Variants in OPCML observed in about 807,000 individuals in gnomAD.
OPCML encodes opioid binding protein/cell adhesion molecule like, also known as opioid-binding protein/cell adhesion molecule.
OPCML carries 13 observed loss-of-function variants against 37.8 expected under a neutral mutation model. The ratio of observed to expected loss-of-function variants is 0.34; its 90% CI spans 0.22 to 0.55. OPCML has a LOEUF of 0.55. Among genes scored for constraint, OPCML ranks in the 20% least tolerant of loss-of-function variants. The probability of loss-of-function intolerance (pLI) is 0.91; values close to 1 mark genes in which losing one functional copy is unlikely to be tolerated. For synonymous variants in OPCML, 176 were observed against 168.8 expected (o/e 1.04, Z -0.33); for missense variants, 341 against 435.6 (o/e 0.78, Z 1.93).
intron 1 of OPCML, among the ~76,000 whole-genome samples, chr11:133,230,915 A>G (rs1393725582): frequency 2.0e-5 from 3 of 152,194 alleles, no homozygotes; most frequent in Non-Finnish European, 4.4e-5. Flanking sequence ...AGGGAAGGCA[A>G]ATACTTCTGG....
intron 3 of OPCML, among the ~76,000 whole-genome samples, chr11:132,557,202 G>T (rs766730374): frequency 6.6e-5 from 10 of 152,140 alleles, no homozygotes; most frequent in Non-Finnish European, 1.3e-4. Flanking sequence ...CAGGGAAAGT[G>T]CCAGATTATG....
chr11:133,250,531 GGGAGGGAAGGAA>G (rs1408384937), intron 1 of OPCML, among the ~76,000 whole-genome samples: 9 of 120,300 alleles, frequency 7.5e-5, no homozygotes, highest in Admixed American at 4.5e-4. Context: ...AAGGGAGGGA[GGGAGGGAAGGAA>G]GGAAGGAAGG....
chr11:133,427,401 T>G (rs1236201059), intron 1 of OPCML, among the ~76,000 whole-genome samples: 1 of 102,670 alleles, frequency 9.7e-6, no homozygotes, highest in African/African-American at 3.9e-5. Context: ...GAAGCCACTT[T>G]GCAGAGCGGG....
intron 3 of OPCML, among the ~76,000 whole-genome samples, chr11:132,645,706 A>C (rs537901530): frequency 6.6e-6 from 1 of 152,356 alleles, no homozygotes; most frequent in South Asian, 2.1e-4. Flanking sequence ...AGCAACTCTA[A>C]AATTGTGCAA....
intron 1 of OPCML, among the ~76,000 whole-genome samples, chr11:133,411,240 G>C (rs1945644919): frequency 6.6e-6 from 1 of 152,316 alleles, no homozygotes; most frequent in South Asian, 2.1e-4. Context: ...AAGTACACAT[G>C]AGAGAGCTCA....
Position 132,672,079 on chromosome 11 carries a change from A to T in OPCML, c.147-14760T>A, listed in dbSNP as rs75553998. The stretch of plus-strand genomic sequence containing the variant: ...ACAGATCTGCTGTCTGTGCTCTTAT[A>T]ACTTGACCTCACATTGCCCTTGCCA... On this transcript the variant is annotated intron_variant, in intron 2 of 7. Coordinates refer to ENST00000524381, the MANE Select transcript of OPCML (RefSeq NM_001012393.5). Among the ~76,000 whole-genome samples the T allele has an allele frequency of 9.9e-3, 1,504 of 152,174 alleles. 10 individuals are homozygous for T. Among genetic ancestry groups the T allele is most frequent in the South Asian group, 0.019 (91 of 4,816 alleles).
chr11:133,065,829 A>G (rs1948433436), intron 1 of OPCML: 2 of 152,518 alleles, frequency 1.3e-5, no homozygotes, highest in African/African-American at 2.4e-5. Context: ...GCTGCTGCGC[A>G]CGCTTCCTGC....
chr11:132,494,360 A>G (rs1301110378), intron 4 of OPCML, among the ~76,000 whole-genome samples: 3 of 152,236 alleles, frequency 2.0e-5, no homozygotes, highest in African/African-American at 4.8e-5. Context: ...GGGCATTTTG[A>G]AAAAGTATGA....
intron 4 of OPCML, among the ~76,000 whole-genome samples, chr11:132,504,974 C>A (rs2096253421): frequency 6.6e-6 from 1 of 152,050 alleles, no homozygotes; most frequent in Admixed American, 6.6e-5. Flanking sequence ...GAGTGCCCCC[C>A]AAGCCCTAAA....
chr11:133,073,026 A>C (rs1948562330), intron 1 of OPCML, among the ~76,000 whole-genome samples: 1 of 152,200 alleles, frequency 6.6e-6, no homozygotes, highest in Non-Finnish European at 1.5e-5. Context: ...CTCTTGAGTG[A>C]GTCACCATAG....
chr11:133,248,844 T>C (rs1364931269), intron 1 of OPCML, among the ~76,000 whole-genome samples: 4 of 152,164 alleles, frequency 2.6e-5, no homozygotes, highest in Admixed American at 2.0e-4. Context: ...AGTATTTTCA[T>C]GTTCCAGTGT....
intron 2 of OPCML, among the ~76,000 whole-genome samples, chr11:132,878,015 T>C (rs1296325170): frequency 6.6e-6 from 1 of 152,172 alleles, no homozygotes; most frequent in Non-Finnish European, 1.5e-5. Flanking sequence ...ACCCCGTCTC[T>C]ACTAAAAATA....
intron 2 of OPCML, among the ~76,000 whole-genome samples, chr11:132,861,469 A>G (rs1453798056): frequency 6.6e-6 from 1 of 152,248 alleles, no homozygotes; most frequent in East Asian, 1.9e-4. Flanking sequence ...ATACATATGT[A>G]CTTGCATCCA....
chr11:132,963,565 C>T (rs1413566805), intron 1 of OPCML, among the ~76,000 whole-genome samples: 2 of 149,212 alleles, frequency 1.3e-5, no homozygotes, highest in Non-Finnish European at 3.0e-5. Flanking sequence ...GCACTCCAGC[C>T]TAGTGACAGA....
At chr11:132,454,469 C>T (rs2096076361) in intron 4 of OPCML, among the ~76,000 whole-genome samples, 1 of 152,164 alleles carries the variant, frequency 6.6e-6, no homozygotes, top group African/African-American at 2.4e-5. Context: ...CAGGAGGCAC[C>T]AGGCCCTCAC....
intron 1 of OPCML, among the ~76,000 whole-genome samples, chr11:133,363,923 C>T (rs557670470): frequency 3.3e-5 from 5 of 152,306 alleles, no homozygotes; most frequent in African/African-American, 7.2e-5. Context: ...ACCTCCACCC[C>T]GCTTTCTGCT....
Position 132,517,756 on chromosome 11 carries a change from T to A in OPCML, c.505+11305A>T, listed in dbSNP as rs569548872. 2.0e-5 allele frequency among the ~76,000 whole-genome samples: 3 copies of A among 152,342 alleles called. No homozygotes were observed. In the South Asian group the frequency reaches 6.2e-4, roughly 32 times the overall value. On this transcript the variant is annotated intron_variant, in intron 4 of 7. Transcript: ENST00000524381. ...ACTTTTGAGTTAGTTGGGCTTTTCA[T>A]TTGCTATGATACATGTTAATATTCA... is the stretch of plus-strand genomic sequence containing the variant.
intron 4 of OPCML, among the ~76,000 whole-genome samples, chr11:132,476,384 T>C (rs911064259): frequency 6.6e-6 from 1 of 152,048 alleles, no homozygotes; most frequent in East Asian, 1.9e-4. Context: ...TAAAGACACA[T>C]GCACACGTAT....
rs1026395124 is a variant in OPCML at position 132,723,510 on chromosome 11, G to T, written c.147-66191C>A. 1.2e-4 allele frequency among the ~76,000 whole-genome samples: 19 copies of T among 152,188 alleles called. No homozygotes were observed. In the South Asian group the frequency reaches 3.9e-3, roughly 32 times the overall value. On this transcript the variant is annotated intron_variant, in intron 2 of 7. Coordinates refer to ENST00000524381, the MANE Select transcript of OPCML (RefSeq NM_001012393.5). The stretch of plus-strand genomic sequence containing the variant: ...GAAGAGCCAGTTATGAAAAATAAAC[G>T]CTTAGTGAAGAGTGTCATATGGTAA...
Sources: allele counts gnomAD v4.1 joint callset (sites outside exome capture counted in the v4.1 genomes callset), GRCh38; gene constraint gnomAD v4.1.1; transcripts MANE v1.5; gene names NCBI Gene and HGNC (gene_info 2026-07-23, HGNC 2026-07-21).